PPP1R1C: variants seen among roughly 807,000 people sequenced by gnomAD.
The protein encoded by PPP1R1C is protein phosphatase 1 regulatory subunit 1C.
A neutral mutation model predicts 17.4 loss-of-function variants in PPP1R1C; 15 were observed. That is an observed-to-expected ratio of 0.86 (90% CI 0.58 to 1.33). The LOEUF (loss-of-function observed/expected upper bound fraction) is 1.33, where lower values mean the gene tolerates loss of function less well. PPP1R1C is among the 40% of genes most tolerant of loss of function. The probability of loss-of-function intolerance (pLI) is 0.00; values close to 1 mark genes in which losing one functional copy is unlikely to be tolerated. For synonymous variants in PPP1R1C, 35 were observed against 43.1 expected (o/e 0.81, Z 0.73); for missense variants, 143 against 130.0 (o/e 1.10, Z -0.48).
In PPP1R1C at chr2:182,123,784, T is replaced by G. The variant is rs187047197; in HGVS notation, c.*7-5190T>G. ...TATCAAATAGATAGATTGCAAAACT[T>G]TTCTCCCATTCTGTAGGTTGCCTGT... is the stretch of plus-strand genomic sequence containing the variant. On this transcript the variant is annotated intron_variant, in intron 5 of 5. Transcript: ENST00000280295. Among the ~76,000 whole-genome samples, 476 of 152,306 alleles carry G rather than the reference T, an allele frequency of 3.1e-3. 3 individuals are homozygous for G. Among genetic ancestry groups the G allele is most frequent in the African/African-American group, 0.011 (461 of 41,576 alleles).
chr2:182,005,512 A>C (rs1685891875), intron 2 of PPP1R1C, among the ~76,000 whole-genome samples: 1 of 152,208 alleles, frequency 6.6e-6, no homozygotes, highest in Non-Finnish European at 1.5e-5. Context: ...TTTTTAGGAA[A>C]GTGAGCATGT....
chr2:182,129,890 T>C (rs1331612401), exon 6 of PPP1R1C: 2 of 152,168 alleles, frequency 1.3e-5, no homozygotes, highest in Non-Finnish European at 2.9e-5. Flanking sequence ...CTAATGAGGC[T>C]AAGCTGGGAA....
intron 4 of PPP1R1C, among the ~76,000 whole-genome samples, chr2:182,078,748 T>C (rs1381587955): frequency 1.3e-5 from 2 of 152,188 alleles, no homozygotes; most frequent in African/African-American, 4.8e-5. Flanking sequence ...CATCTATAAT[T>C]TGAAGATAAC....
intron 2 of PPP1R1C, among the ~76,000 whole-genome samples, chr2:182,054,465 T>C (rs1462657219): frequency 6.6e-6 from 1 of 152,212 alleles, no homozygotes. Context: ...TCACTATTCT[T>C]GATCCCTGGC....
At chr2:182,126,458 T>C (rs998344480) in intron 5 of PPP1R1C, among the ~76,000 whole-genome samples, 6 of 152,084 alleles carry the variant, frequency 3.9e-5, no homozygotes, top group African/African-American at 1.4e-4. Flanking sequence ...AATTAAATTG[T>C]TAGATTTTAT....
At chr2:182,106,238 A>T (rs1174055617) in intron 4 of PPP1R1C, among the ~76,000 whole-genome samples, 1 of 152,196 alleles carries the variant, frequency 6.6e-6, no homozygotes. Context: ...CTAAGTGAGG[A>T]CAGGCACTCC....
chr2:182,124,327 G>GTTTTTTTTTTTTTTTTTTTTTTTT (rs1294464668), intron 5 of PPP1R1C, among the ~76,000 whole-genome samples: 10 of 82,990 alleles, frequency 1.2e-4, no homozygotes, highest in Middle Eastern at 0.011. Flanking sequence ...TTTTTTTTTT[G>GTTTTTTTTTTTTTTTTTTTTTTTT]TTTTTTTTTT....
At chr2:181,970,627 A>G (rs1368264800) in intron 1 of PPP1R1C, among the ~76,000 whole-genome samples, 1 of 152,154 alleles carries the variant, frequency 6.6e-6, no homozygotes, top group Non-Finnish European at 1.5e-5. Flanking sequence ...GCAGGTGGCA[A>G]AGCCAGCCAG....
intron 2 of PPP1R1C, among the ~76,000 whole-genome samples, chr2:181,979,734 A>G (rs1685160379): frequency 6.6e-6 from 1 of 152,222 alleles, no homozygotes; most frequent in Non-Finnish European, 1.5e-5. Flanking sequence ...GAGTGTACGT[A>G]GTGTTAGAGG....
At chr2:182,129,402 G>A (rs980111325) in exon 6 of PPP1R1C, 3 of 151,870 alleles carry the variant, frequency 2.0e-5, no homozygotes, top group Non-Finnish European at 4.4e-5. Flanking sequence ...TTTATTTATT[G>A]CCTTGTTTCT....
intron 2 of PPP1R1C, among the ~76,000 whole-genome samples, chr2:182,058,264 A>C (rs1202100309): frequency 6.6e-6 from 1 of 152,096 alleles, no homozygotes; most frequent in Non-Finnish European, 1.5e-5. Flanking sequence ...TTTGAAGAGT[A>C]CTAGTCAGCA....
At chr2:182,076,216 T>TTTTTTTTTTTTTTTTTTTTTTTTTTG (rs1688303446) in intron 4 of PPP1R1C, among the ~76,000 whole-genome samples, 1 of 101,600 alleles carries the variant, frequency 9.8e-6, no homozygotes, top group Non-Finnish European at 1.9e-5. Context: ...TTTTTTTTTT[T>TTTTTTTTTTTTTTTTTTTTTTTTTTG]TTTTTTTTTT....
chr2:181,971,345 G>A (rs531580462), intron 1 of PPP1R1C, among the ~76,000 whole-genome samples: 4 of 152,160 alleles, frequency 2.6e-5, no homozygotes, highest in Admixed American at 6.5e-5. Flanking sequence ...TTCATCGAGG[G>A]TGTGTCTAGA....
intron 1 of PPP1R1C, among the ~76,000 whole-genome samples, chr2:181,963,792 G>GT (rs11412098): frequency 0.13 from 19,447 of 147,670 alleles, 1,304 homozygotes; most frequent in African/African-American, 0.16. Context: ...TTTTTTGCTT[G>GT]TTTTTTTTTT....
At position 182,026,776 on chromosome 2, in the gene PPP1R1C, A is replaced by G. The variant is rs1242463918; in HGVS notation, c.143-34666A>G. Among the ~76,000 whole-genome samples, 38 of 151,320 alleles carry G rather than the reference A, an allele frequency of 2.5e-4. 1 individual carries two copies. In the South Asian group the frequency reaches 7.8e-3, roughly 31 times the overall value. ...TCATTGGTAGCTTGATGGGGATGGC[A>G]TTGAATCTGTAAATTACCTTGGGCA... On this transcript the variant is annotated intron_variant, in intron 2 of 4. Coordinates refer to ENST00000682840, the MANE Select transcript of PPP1R1C (RefSeq NM_001080545.3).
chr2:181,998,882 G>A (rs2125147671), intron 2 of PPP1R1C, among the ~76,000 whole-genome samples: 1 of 152,284 alleles, frequency 6.6e-6, no homozygotes, highest in East Asian at 1.9e-4. Context: ...AAGAAAGAAT[G>A]CCAGAGACCC....
At chr2:182,116,888 A>T (rs1216028569) in intron 4 of PPP1R1C, among the ~76,000 whole-genome samples, 1 of 152,190 alleles carries the variant, frequency 6.6e-6, no homozygotes, top group African/African-American at 2.4e-5. Flanking sequence ...ATTTGAACTA[A>T]GTGATACATT....
chr2:182,092,425 A>G lies in PPP1R1C; in HGVS notation c.242-24782A>G, dbSNP rs538410298. Among the ~76,000 whole-genome samples, 6 of 152,282 alleles carry G rather than the reference A, an allele frequency of 3.9e-5. No individual in the cohort carries two copies. In the East Asian group the frequency reaches 1.2e-3, roughly 29 times the overall value. The stretch of plus-strand genomic sequence containing the variant: ...TGGGGACACAGAACCAAATCATATC[A>G]TTCAGCCCCTGGCCCCTCCCAAATC... On this transcript the variant is annotated intron_variant, in intron 4 of 4. Coordinates refer to ENST00000682840, the MANE Select transcript of PPP1R1C (RefSeq NM_001080545.3).
intron 2 of PPP1R1C, among the ~76,000 whole-genome samples, chr2:182,027,921 C>A (rs1686673908): frequency 7.6e-6 from 1 of 131,752 alleles, no homozygotes; most frequent in East Asian, 2.3e-4. Flanking sequence ...GATTCAACTA[C>A]TTCCTGGTTT....
Sources: allele counts gnomAD v4.1 joint callset (sites outside exome capture counted in the v4.1 genomes callset), GRCh38; gene constraint gnomAD v4.1.1; transcripts MANE v1.5; gene names NCBI Gene and HGNC (gene_info 2026-07-23, HGNC 2026-07-21).